CRYBG3: variants seen among roughly 807,000 people sequenced by gnomAD.
The protein encoded by CRYBG3 is crystallin beta-gamma domain containing 3, also known as very large A-kinase anchor protein.
CRYBG3 carries 127 observed loss-of-function variants against 244.2 expected under a neutral mutation model. The ratio of observed to expected loss-of-function variants is 0.52; its 90% confidence interval spans 0.45 to 0.60. The LOEUF (loss-of-function observed/expected upper bound fraction) is 0.60, where lower values mean the gene tolerates loss of function less well. CRYBG3 is among the 20% of genes least tolerant of loss of function. The pLI is 0.00. For missense variants in CRYBG3, 3,325 were observed against 3,442.5 expected, an observed-to-expected ratio of 0.97 and a Z score of 0.85; for synonymous variants, 1,132 against 1,195.8, an observed-to-expected ratio of 0.95 and a Z score of 1.10.
chr3:97,912,355 T>C (rs537479640), intron 16 of CRYBG3, 79 bp downstream of exon 16: 3 of 656,434 alleles, frequency 4.6e-6, no homozygotes, highest in Non-Finnish European at 7.4e-6. Flanking sequence ...ATTTTTTGCA[T>C]GCACAGTGAA....
At chr3:97,826,157 G>A (rs1251821873) in intron 1 of CRYBG3, among the ~76,000 whole-genome samples, 1 of 152,294 alleles carries the variant, frequency 6.6e-6, no homozygotes, top group South Asian at 2.1e-4. Context: ...CTTGGCAGCA[G>A]AGTCAAAATA....
chr3:97,850,963 C>T (rs2038977283), intron 2 of CRYBG3, among the ~76,000 whole-genome samples: 1 of 151,934 alleles, frequency 6.6e-6, no homozygotes, highest in African/African-American at 2.4e-5. Flanking sequence ...GAAACCCTGT[C>T]TCTATTAAAA....
chr3:97,834,040 G>A (rs1467758315), intron 1 of CRYBG3, among the ~76,000 whole-genome samples: 11 of 152,156 alleles, frequency 7.2e-5, no homozygotes, highest in Non-Finnish European at 2.9e-5. Flanking sequence ...TCCAGGGAGG[G>A]CATTAATCTA....
At chr3:97,842,214 G>T (rs2038829533) in intron 1 of CRYBG3, among the ~76,000 whole-genome samples, 1 of 152,106 alleles carries the variant, frequency 6.6e-6, no homozygotes, top group African/African-American at 2.4e-5. Flanking sequence ...TACTTAATTT[G>T]TCTAGTATTA....
At chr3:97,879,677 C>G (rs1334539907) in intron 4 of CRYBG3, 27 bp from the exon 5 acceptor site, 2 of 1,550,944 alleles carry the variant, frequency 1.3e-6, no homozygotes, top group Non-Finnish European at 1.8e-6. Flanking sequence ...TTTCTTAAAG[C>G]TTACTTTTCC....
At chr3:97,835,986 T>C (rs777973799) in intron 1 of CRYBG3, among the ~76,000 whole-genome samples, 1 of 152,084 alleles carries the variant, frequency 6.6e-6, no homozygotes, top group Admixed American at 6.6e-5. Context: ...TCACAACACA[T>C]GTACTGTAGA....
At chr3:97,881,525 G>A (rs1416125418) in intron 7 of CRYBG3, among the ~76,000 whole-genome samples, 1 of 150,520 alleles carries the variant, frequency 6.6e-6, no homozygotes, top group Non-Finnish European at 1.5e-5. Context: ...AGACCATCCT[G>A]GCCAACATGG....
chr3:97,872,786 C>G lies in CRYBG3; in HGVS notation c.1592C>G (p.Thr531Arg). The change falls in exon 4 of 22, where the codon ACA becomes AGA. Residue 531 changes from threonine to arginine, a missense_variant. By Grantham distance (71) the Thr-to-Arg change is moderately conservative (BLOSUM62 -1). Transcript: ENST00000389622. ...GCTGTTAGAGAAATCAGGCGAGAAA[C>G]AGAAAGTGCCTCAGCTGGTGAATCC... ...NVAVREIRRETESASAGESIA... is the reference protein window; with the variant it reads ...NVAVREIRRERESASAGESIA... 6.5e-7 allele frequency: 1 copy of G among 1,535,858 alleles called. No individual in the cohort carries two copies. Among genetic ancestry groups the G allele is most frequent in the Non-Finnish European group, 8.7e-7 (1 of 1,146,756 alleles).
At position 97,918,412 on chromosome 3, in the gene CRYBG3, C is replaced by T. The variant is rs151222940; in HGVS notation, c.8241+2676C>T. ...GTGTAGTTCATAGTTCTGCTTCTAA[C>T]GAATATGACCTTAAGCAAATCTCTT... On this transcript the variant is annotated intron_variant, in intron 17 of 21. Coordinates refer to ENST00000389622, the MANE Select transcript of CRYBG3 (RefSeq NM_153605.4). Among the ~76,000 whole-genome samples the T allele has an allele frequency of 2.2e-3, 332 of 152,248 alleles. 1 individual carries two copies. The highest frequency in any genetic ancestry group is 7.5e-3 in the African/African-American group (310 of 41,570).
chr3:97,938,225 A>G (rs975382386), intron 19 of CRYBG3, among the ~76,000 whole-genome samples: 2 of 152,048 alleles, frequency 1.3e-5, no homozygotes, highest in African/African-American at 4.8e-5. Context: ...CCATCTGGAA[A>G]ATGGGGATAA....
At chr3:97,916,900 T>C (rs1559743322) in intron 17 of CRYBG3, among the ~76,000 whole-genome samples, 1 of 152,094 alleles carries the variant, frequency 6.6e-6, no homozygotes, top group Non-Finnish European at 1.5e-5. Flanking sequence ...AAAAAAATAA[T>C]GTGATCTGGC....
chr3:97,836,441 A>G (rs1242254357), intron 1 of CRYBG3, among the ~76,000 whole-genome samples: 1 of 152,086 alleles, frequency 6.6e-6, no homozygotes, highest in Non-Finnish European at 1.5e-5. Context: ...TTGTGAATGG[A>G]CAGTTTTCCA....
intron 10 of CRYBG3, among the ~76,000 whole-genome samples, chr3:97,890,318 G>T (rs2039561307): frequency 6.6e-6 from 1 of 152,168 alleles, no homozygotes; most frequent in Non-Finnish European, 1.5e-5. Flanking sequence ...GATTCTATTT[G>T]CAGTCAAGAT....
At chr3:97,941,044 C>A in intron 19 of CRYBG3, 104 bp from the exon 20 acceptor site, 2 of 877,278 alleles carry the variant, frequency 2.3e-6, no homozygotes, top group East Asian at 2.5e-5. Flanking sequence ...ACTGATATAA[C>A]TAAGATAGTT....
intron 18 of CRYBG3, 96 bp downstream of exon 18, chr3:97,933,929 C>A (rs2040127568): frequency 9.8e-7 from 1 of 1,022,780 alleles, no homozygotes; most frequent in Non-Finnish European, 1.4e-6. Flanking sequence ...AGTACGCATT[C>A]AAGTGGTCTT....
chr3:97,876,246 G>A lies in CRYBG3; in HGVS notation c.5052G>A (p.Thr1684=), dbSNP rs187514715. 1.8e-4 allele frequency: 218 copies of A among 1,231,970 alleles called. No homozygotes were observed. Among genetic ancestry groups the A allele is most frequent in the African/African-American group, 6.7e-4 (43 of 64,504 alleles). The allele number at this position is 1,231,970 out of a possible 1,614,324, so 76.3% of individuals were successfully genotyped here. Residue 1684 remains threonine, a synonymous_variant, in exon 4 of 22, where the codon ACG becomes ACA. Transcript: ENST00000389622. The part of the protein sequence containing the change: ...HAEGDIGKTG[T]IALSEVENIH... Reference sequence around the variant, plus strand: ...AAGGGGATATTGGCAAGACTGGGACGATAGCCTTGTCAGAAGTGGAAAATA... The same window carrying A: ...AAGGGGATATTGGCAAGACTGGGACAATAGCCTTGTCAGAAGTGGAAAATA...
Position 97,941,250 on chromosome 3 carries a change from T to A in CRYBG3, c.8608T>A (p.Tyr2870Asn), listed in dbSNP as rs1320925664. ...GGCAACATCTGTGTGCATTTCTCCC[T>A]ATAGTGGAAAGAATACTCAGATCTG... Reference protein sequence around the residue: ...TRATSVCISPYSGKNTQIWYY... With the variant: ...TRATSVCISPNSGKNTQIWYY... The change falls in exon 20 of 22, where the codon TAT becomes AAT. Residue 2870 changes from tyrosine to asparagine, a missense_variant. This residue lies in a region of CRYBG3 where 714 missense variants were observed against 803.6 expected (regional missense o/e 0.89). Coordinates refer to ENST00000389622, the MANE Select transcript of CRYBG3 (RefSeq NM_153605.4). 1 of 1,611,450 alleles carries A rather than the reference T, an allele frequency of 6.2e-7. No homozygotes were observed. Among genetic ancestry groups the A allele is most frequent in the Non-Finnish European group, 8.5e-7 (1 of 1,178,106 alleles).
At chr3:97,940,678 T>TG (rs1411104716) in intron 19 of CRYBG3, among the ~76,000 whole-genome samples, 1 of 152,038 alleles carries the variant, frequency 6.6e-6, no homozygotes, top group Admixed American at 6.6e-5. Flanking sequence ...CAGCTACTAG[T>TG]GCCCTCAGCT....
In CRYBG3 at chr3:97,882,958, A is replaced by G. The variant is rs113499773; in HGVS notation, c.7152+1739A>G. ...AAATACAAGTGAGATATGGTTCCTT[A>G]CTTCAGGTTGCTTAAAGACTCGGGG... On this transcript the variant is annotated intron_variant, in intron 7 of 21. Coordinates refer to ENST00000389622, the MANE Select transcript of CRYBG3 (RefSeq NM_153605.4). Among the ~76,000 whole-genome samples the G allele has an allele frequency of 5.9e-5, 9 of 152,312 alleles. 1 individual carries two copies. The highest frequency in any genetic ancestry group is 2.2e-4 in the African/African-American group (9 of 41,570).
Sources: allele counts gnomAD v4.1 joint callset (sites outside exome capture counted in the v4.1 genomes callset), GRCh38; gene constraint gnomAD v4.1.1; regional missense constraint gnomAD v4.1.1; transcripts MANE v1.5; gene names NCBI Gene and HGNC (gene_info 2026-07-23, HGNC 2026-07-21).